The following RNGTT variants were observed in gnomAD, a reference collection of about 807,000 sequenced individuals.
RNGTT encodes the protein RNA guanylyltransferase and 5'-phosphatase, also known as mRNA-capping enzyme.
In RNGTT, 33 loss-of-function variants were observed where a neutral mutation model predicts 79.3. The observed-to-expected ratio is 0.42, with a 90% confidence interval of 0.32 to 0.56. The LOEUF (loss-of-function observed/expected upper bound fraction) is 0.56, where lower values mean the gene tolerates loss of function less well. RNGTT is among the 20% of genes least tolerant of loss of function. The probability of loss-of-function intolerance (pLI) is 0.17; values close to 1 mark genes in which losing one functional copy is unlikely to be tolerated. For synonymous variants in RNGTT, 222 were observed against 235.9 expected (o/e 0.94, Z 0.54); for missense variants, 497 against 739.1 (o/e 0.67, Z 3.80).
At chr6:88,687,132 CATT>C (rs756755601) in intron 13 of RNGTT, among the ~76,000 whole-genome samples, 2 of 152,014 alleles carry the variant, frequency 1.3e-5, no homozygotes, top group Non-Finnish European at 2.9e-5. Context: ...GGGAAAAACA[CATT>C]AAAAAGATAA....
In RNGTT at chr6:88,941,276, CT is replaced by C. The variant is rs374801509; in HGVS notation, c.65-97del. On this transcript the variant is annotated intron_variant, in intron 1 of 15. Coordinates refer to ENST00000369485, the MANE Select transcript of RNGTT (RefSeq NM_003800.5). ...TTCTCAAATATCACCTTCTTAAAAC[CT>C]TTTTTTTTGAGACCAAGTGTCGCTC... 863 of 826,916 alleles carry C rather than the reference CT, an allele frequency of 1.0e-3. 2 individuals carry two copies. Among genetic ancestry groups the C allele is most frequent in the South Asian group, 1.9e-3 (115 of 59,322 alleles). 51.2% of individuals were successfully genotyped at this position (826,916 alleles called of 1,614,324 possible).
At chr6:88,650,286 T>C (rs971721352) in intron 14 of RNGTT, among the ~76,000 whole-genome samples, 31 of 152,196 alleles carry the variant, frequency 2.0e-4, no homozygotes, top group African/African-American at 7.0e-4. Context: ...TGCTAAACTA[T>C]AACCACCCTG....
At chr6:88,911,350 T>A (rs1783825955) in intron 4 of RNGTT, among the ~76,000 whole-genome samples, 1 of 152,112 alleles carries the variant, frequency 6.6e-6, no homozygotes. Flanking sequence ...TTCAGATAAA[T>A]AAACTTTAAA....
At chr6:88,861,440 A>G (rs1380209130) in intron 8 of RNGTT, among the ~76,000 whole-genome samples, 1 of 152,080 alleles carries the variant, frequency 6.6e-6, no homozygotes, top group Non-Finnish European at 1.5e-5. Context: ...TGTTTCTCTC[A>G]TTACCTCACT....
intron 11 of RNGTT, among the ~76,000 whole-genome samples, chr6:88,829,632 G>A (rs1464088900): frequency 6.8e-6 from 1 of 147,212 alleles, no homozygotes; most frequent in Non-Finnish European, 1.5e-5. Context: ...AGGAGACCCA[G>A]CTCCTATGTG....
chr6:88,874,993 C>CT (rs1782471801), intron 8 of RNGTT, among the ~76,000 whole-genome samples: 1 of 151,934 alleles, frequency 6.6e-6, no homozygotes, highest in Non-Finnish European at 1.5e-5. Context: ...TTAAATTGTA[C>CT]TTCATTTTCC....
rs928285507 is a variant in RNGTT, at chr6:88,937,309, C to A, written c.174+3762G>T. Among the ~76,000 whole-genome samples, 3 of 151,870 alleles carry A rather than the reference C, an allele frequency of 2.0e-5. 1 individual carries two copies. The South Asian group carries it at 6.2e-4, about 31-fold the overall frequency. On this transcript the variant is annotated intron_variant, in intron 2 of 15. Transcript: ENST00000369485. Reference sequence around the variant, plus strand: ...ACAGTGAACTGAGATCCCACCATTGCACTCCAGCCTAGGCAACAAGAGCAA... The same window carrying A: ...ACAGTGAACTGAGATCCCACCATTGAACTCCAGCCTAGGCAACAAGAGCAA...
chr6:88,705,113 C>T (rs574154582), intron 13 of RNGTT, among the ~76,000 whole-genome samples: 2 of 152,256 alleles, frequency 1.3e-5, no homozygotes, highest in South Asian at 4.1e-4. Flanking sequence ...TGCACTATGA[C>T]TCAACATTGA....
At chr6:88,923,145 T>G (rs1784214230) in intron 4 of RNGTT, among the ~76,000 whole-genome samples, 1 of 152,224 alleles carries the variant, frequency 6.6e-6, no homozygotes, top group East Asian at 1.9e-4. Context: ...TGTCCCACTT[T>G]TAGTGGTACT....
chr6:88,684,718 A>G (rs1331291637), intron 13 of RNGTT, among the ~76,000 whole-genome samples: 1 of 152,190 alleles, frequency 6.6e-6, no homozygotes, highest in Non-Finnish European at 1.5e-5. Context: ...TGCTAGATAT[A>G]TGTCATTATA....
chr6:88,839,640 T>A (rs369640381), intron 11 of RNGTT, among the ~76,000 whole-genome samples: 1 of 152,304 alleles, frequency 6.6e-6, no homozygotes, highest in African/African-American at 2.4e-5. Flanking sequence ...TATTTATTGC[T>A]AAAGAAATTC....
chr6:88,918,273 T>C (rs777029971), intron 4 of RNGTT, among the ~76,000 whole-genome samples: 2 of 151,852 alleles, frequency 1.3e-5, no homozygotes, highest in Non-Finnish European at 2.9e-5. Flanking sequence ...CAGTGAGCTA[T>C]GATTGCACCA....
chr6:88,806,413 G>T (rs1313771268), intron 11 of RNGTT, among the ~76,000 whole-genome samples: 2 of 151,582 alleles, frequency 1.3e-5, no homozygotes, highest in Non-Finnish European at 1.5e-5. Flanking sequence ...TGCTTCCCGG[G>T]TTCAAGAGAT....
intron 11 of RNGTT, among the ~76,000 whole-genome samples, chr6:88,831,967 A>G (rs1562275264): frequency 6.6e-6 from 1 of 152,238 alleles, no homozygotes; most frequent in Non-Finnish European, 1.5e-5. Flanking sequence ...AAAATATTCC[A>G]TGCTCACAGA....
chr6:88,957,709 C>A (rs973280536), intron 1 of RNGTT, among the ~76,000 whole-genome samples: 1 of 152,102 alleles, frequency 6.6e-6, no homozygotes, highest in African/African-American at 2.4e-5. Flanking sequence ...AACTACAAAA[C>A]ACTACTGAAA....
chr6:88,785,476 T>C (rs1054853143), intron 12 of RNGTT, among the ~76,000 whole-genome samples: 4 of 151,950 alleles, frequency 2.6e-5, no homozygotes, highest in Non-Finnish European at 5.9e-5. Context: ...TGCTGTGCTC[T>C]AAAAGATGAA....
At chr6:88,766,151 CA>C (rs1778453478) in intron 13 of RNGTT, among the ~76,000 whole-genome samples, 1 of 152,034 alleles carries the variant, frequency 6.6e-6, no homozygotes, top group African/African-American at 2.4e-5. Flanking sequence ...CTTATGAGGC[CA>C]ACTTATTTTA....
At chr6:88,683,340 T>C (rs1293161509) in intron 13 of RNGTT, among the ~76,000 whole-genome samples, 1 of 151,930 alleles carries the variant, frequency 6.6e-6, no homozygotes, top group African/African-American at 2.4e-5. Context: ...TCCCAACAAG[T>C]TTCAAAAGTC....
At chr6:88,813,161 T>C (rs143645568) in intron 11 of RNGTT, among the ~76,000 whole-genome samples, 102 of 152,254 alleles carry the variant, frequency 6.7e-4, no homozygotes, top group Middle Eastern at 3.4e-3. Context: ...CTTATGAGAT[T>C]TAAAACCTGG....
Sources: gnomAD v4.1 joint callset for allele counts (sites outside exome capture counted in the v4.1 genomes callset) on GRCh38, gnomAD v4.1.1 for gene constraint, MANE v1.5 for transcripts, NCBI Gene and HGNC (gene_info 2026-07-23, HGNC 2026-07-21) for gene names.